Variants in CDH22 observed in about 807,000 individuals in gnomAD.
CDH22 encodes cadherin-22.
CDH22 carries 30 observed loss-of-function variants against 58.4 expected under a neutral mutation model. The observed-to-expected ratio is 0.51, with a 90% CI of 0.38 to 0.70. CDH22 has a LOEUF of 0.70. Ranked by LOEUF, CDH22 falls within the 30% of genes least tolerant of loss-of-function variation. The pLI is 0.00. For missense variants in CDH22, 1,014 were observed against 1,233.9 expected (o/e 0.82, Z 2.67); for synonymous variants, 513 against 558.2 (o/e 0.92, Z 1.14).
At chr20:46,208,205 T>TC (rs1380786563) in intron 7 of CDH22, among the ~76,000 whole-genome samples, 1 of 151,994 alleles carries the variant, frequency 6.6e-6, no homozygotes, top group African/African-American at 2.4e-5. Flanking sequence ...ACACTGGCCA[T>TC]CCCCCCAGCC....
chr20:46,186,072 G>T (rs1017337052), intron 10 of CDH22, among the ~76,000 whole-genome samples: 2 of 151,892 alleles, frequency 1.3e-5, no homozygotes, highest in Non-Finnish European at 2.9e-5. Flanking sequence ...AAAGTAGCTG[G>T]GCATGGTGGC....
At position 46,251,395 on chromosome 20, in the gene CDH22, C is replaced by T; in HGVS notation, c.-101G>A. 2 of 1,294,746 alleles carry T rather than the reference C, an allele frequency of 1.5e-6. No individual in the cohort carries two copies. Among genetic ancestry groups the T allele is most frequent in the Non-Finnish European group, 9.9e-7 (1 of 1,011,112 alleles). 80.2% of individuals were successfully genotyped at this position (1,294,746 alleles called of 1,614,324 possible). ...ATGCGGCGCCGTGTCACATGGTGGC[C>T]TCAGCGCGGCCGCCGGGATGTCGCC... is the stretch of plus-strand genomic sequence containing the variant. On this transcript the variant is annotated 5_prime_UTR_variant, in exon 2 of 12. Transcript: ENST00000537909. The surrounding 1 kb of genome is among the most constrained non-coding windows in gnomAD (Gnocchi z 6.7).
At chr20:46,205,264 C>T (rs993966673) in intron 7 of CDH22, among the ~76,000 whole-genome samples, 7 of 152,172 alleles carry the variant, frequency 4.6e-5, no homozygotes, top group African/African-American at 1.7e-4. Flanking sequence ...ATGACCATTT[C>T]TCGAGGGCCT....
chr20:46,227,478 C>G, intron 4 of CDH22, 30 bp downstream of exon 4: 2 of 1,357,286 alleles, frequency 1.5e-6, no homozygotes, highest in Non-Finnish European at 2.0e-6. Flanking sequence ...CGCCCCACGG[C>G]TCCGCCTCTG....
intron 3 of CDH22, among the ~76,000 whole-genome samples, chr20:46,229,717 C>T (rs2086205679): frequency 1.3e-5 from 2 of 152,162 alleles, no homozygotes; most frequent in Non-Finnish European, 2.9e-5. Flanking sequence ...TACAATGGCA[C>T]AATTATGCCT....
At chr20:46,272,560 A>G (rs1219544457) in intron 1 of CDH22, among the ~76,000 whole-genome samples, 2 of 152,238 alleles carry the variant, frequency 1.3e-5, no homozygotes, top group Non-Finnish European at 2.9e-5. Flanking sequence ...AGGAAGCACG[A>G]TGACTGAGAA....
chr20:46,287,333 A>G (rs2145773500), intron 1 of CDH22, among the ~76,000 whole-genome samples: 1 of 152,332 alleles, frequency 6.6e-6, no homozygotes, highest in Middle Eastern at 3.4e-3. Flanking sequence ...AGCTGTTATT[A>G]TCATTATTAA....
intron 1 of CDH22, among the ~76,000 whole-genome samples, chr20:46,277,721 T>A (rs572879811): frequency 7.7e-4 from 116 of 151,576 alleles, no homozygotes; most frequent in African/African-American, 2.6e-3. Context: ...CCCCTTGAGG[T>A]GAGGATCAGG....
chr20:46,240,904 C>T, intron 3 of CDH22, 59 bp downstream of exon 3: 1 of 1,462,180 alleles, frequency 6.8e-7, no homozygotes, highest in East Asian at 2.3e-5. Flanking sequence ...CCCTTCCCAG[C>T]AGGCTCCACT....
chr20:46,200,198 T>A (rs977267812), intron 7 of CDH22, among the ~76,000 whole-genome samples: 1 of 151,746 alleles, frequency 6.6e-6, no homozygotes, highest in Non-Finnish European at 1.5e-5. Context: ...ATGGTCTTGA[T>A]CTCCTGACCT....
chr20:46,295,375 T>C (rs1035782738), intron 1 of CDH22, among the ~76,000 whole-genome samples: 1 of 152,252 alleles, frequency 6.6e-6, no homozygotes, highest in Non-Finnish European at 1.5e-5. Context: ...AGCTCTCCGC[T>C]GTCCACTCCT....
At chr20:46,190,294 C>T (rs551978809) in intron 8 of CDH22, among the ~76,000 whole-genome samples, 22 of 152,232 alleles carry the variant, frequency 1.4e-4, no homozygotes, top group African/African-American at 4.8e-4. Context: ...CTGAGGCCCA[C>T]GGAGGGGCAG....
At chr20:46,233,152 T>C (rs1329396883) in intron 3 of CDH22, among the ~76,000 whole-genome samples, 1 of 152,102 alleles carries the variant, frequency 6.6e-6, no homozygotes. Context: ...GAGGAGGAAC[T>C]AGGAGAGGAA....
At chr20:46,205,473 TCTC>T (rs1178754360) in intron 7 of CDH22, among the ~76,000 whole-genome samples, 1 of 152,024 alleles carries the variant, frequency 6.6e-6, no homozygotes, top group African/African-American at 2.4e-5. Flanking sequence ...TGAACCCAGG[TCTC>T]CTCTGATTTC....
chr20:46,250,046 A>G (rs540839166), intron 2 of CDH22, among the ~76,000 whole-genome samples: 1 of 152,230 alleles, frequency 6.6e-6, no homozygotes, highest in Non-Finnish European at 1.5e-5. Flanking sequence ...CAGAGGCTGG[A>G]TCTCACTCAC....
At chr20:46,305,494 T>C (rs1238823961) in intron 1 of CDH22, among the ~76,000 whole-genome samples, 2 of 152,140 alleles carry the variant, frequency 1.3e-5, no homozygotes, top group Non-Finnish European at 2.9e-5. Flanking sequence ...CCTTCCTGGC[T>C]CAGCTATGGG....
At chr20:46,189,375 G>A (rs2085848479) in intron 8 of CDH22, among the ~76,000 whole-genome samples, 1 of 152,134 alleles carries the variant, frequency 6.6e-6, no homozygotes, top group South Asian at 2.1e-4. Flanking sequence ...GGGGGGTGAG[G>A]CCCACAGCCA....
At chr20:46,175,157 C>T in intron 11 of CDH22, 80 bp from the exon 12 acceptor site, 1 of 1,373,026 alleles carries the variant, frequency 7.3e-7, no homozygotes, top group Non-Finnish European at 9.8e-7. Flanking sequence ...CATCTCCTCC[C>T]GCCTCCCACC....
At chr20:46,286,519 T>C (rs2086577445) in intron 1 of CDH22, among the ~76,000 whole-genome samples, 1 of 152,184 alleles carries the variant, frequency 6.6e-6, no homozygotes, top group Non-Finnish European at 1.5e-5. Context: ...TCATTATTAA[T>C]AGCTTTTCAT....
Sources: gnomAD v4.1 joint callset for allele counts (sites outside exome capture counted in the v4.1 genomes callset) on GRCh38, gnomAD v4.1.1 for gene constraint, Gnocchi (gnomAD v3.1) non-coding constraint, MANE v1.5 for transcripts, NCBI Gene and HGNC (gene_info 2026-07-23, HGNC 2026-07-21) for gene names.